PALLD: variants seen among roughly 807,000 people sequenced by gnomAD.
The protein encoded by PALLD is palladin, cytoskeletal associated protein, also known as palladin.
In PALLD, 61 loss-of-function variants were observed where a neutral mutation model predicts 123.5. The ratio of observed to expected loss-of-function variants is 0.49; its 90% CI spans 0.40 to 0.61. The LOEUF is 0.61. PALLD is among the 20% of genes least tolerant of loss of function. PALLD has a pLI of 0.00. For synonymous variants in PALLD, 465 were observed against 496.4 expected (o/e 0.94, Z 0.84); for missense variants, 1,273 against 1,377.0 (o/e 0.92, Z 1.20).
chr4:168,505,997 T>C (rs1379097029), intron 1 of PALLD: 2 of 152,188 alleles, frequency 1.3e-5, no homozygotes, highest in Non-Finnish European at 2.9e-5. Flanking sequence ...TACCCATGAA[T>C]TCCAACCCAG....
chr4:168,711,591 A>G lies in PALLD; in HGVS notation c.1632A>G (p.Glu544=). ...TTTCCCCTTCCTTAGCCAACACTGAAAACTGTAGTTACGAGTCAATGGGAG... is the reference window on the plus strand; with the variant it reads ...TTTCCCCTTCCTTAGCCAACACTGAGAACTGTAGTTACGAGTCAATGGGAG... ...AQLVVTSANT[E]NCSYESMGES... The change falls in exon 10 of 22, where the codon GAA becomes GAG. Residue 544 remains glutamate, a synonymous_variant. Coordinates refer to ENST00000505667, the MANE Select transcript of PALLD (RefSeq NM_001166108.2). 1.9e-6 allele frequency: 3 copies of G among 1,613,406 alleles called. No homozygotes were observed. Among genetic ancestry groups the G allele is most frequent in the Non-Finnish European group, 2.5e-6 (3 of 1,179,328 alleles).
At chr4:168,675,147 A>G (rs1429682810) in intron 3 of PALLD, among the ~76,000 whole-genome samples, 2 of 152,240 alleles carry the variant, frequency 1.3e-5, no homozygotes, top group Non-Finnish European at 2.9e-5. Flanking sequence ...TGTCAAATGA[A>G]TAGCTTTATG....
chr4:168,639,772 C>T (rs1053713771), intron 2 of PALLD, among the ~76,000 whole-genome samples: 5 of 152,126 alleles, frequency 3.3e-5, no homozygotes, highest in African/African-American at 1.2e-4. Flanking sequence ...TCTCGATCTT[C>T]TGACCTCGTG....
At chr4:168,741,435 G>A (rs964197500) in intron 10 of PALLD, among the ~76,000 whole-genome samples, 5 of 152,060 alleles carry the variant, frequency 3.3e-5, no homozygotes, top group African/African-American at 1.2e-4. Context: ...CAGCACTTTT[G>A]GGAGGCAGAG....
intron 2 of PALLD, among the ~76,000 whole-genome samples, chr4:168,618,430 G>A (rs2149790139): frequency 6.6e-6 from 1 of 152,302 alleles, no homozygotes; most frequent in East Asian, 1.9e-4. Flanking sequence ...GGGTAGAGAA[G>A]CTTTGGGCAC....
At chr4:168,719,637 C>T (rs981387434) in intron 10 of PALLD, among the ~76,000 whole-genome samples, 1 of 152,060 alleles carries the variant, frequency 6.6e-6, no homozygotes, top group Non-Finnish European at 1.5e-5. Context: ...TATATATTTG[C>T]CTGTCACAGG....
chr4:168,905,329 T>C lies in PALLD; in HGVS notation c.2622+1423T>C, dbSNP rs193118120. On this transcript the variant is annotated intron_variant, in intron 15 of 21. Transcript: ENST00000505667. ...TGCCCGGCTAATTTTTTTTTATTTT[T>C]AGTAGAGATGGGGTTTCACCATGTT... is the stretch of plus-strand genomic sequence containing the variant. 4.5e-3 allele frequency among the ~76,000 whole-genome samples: 686 copies of C among 151,276 alleles called. 8 individuals carry two copies. The highest frequency in any genetic ancestry group is 5.5e-3 in the Admixed American group (83 of 15,204).
At chr4:168,749,540 C>A (rs534484500) in intron 10 of PALLD, among the ~76,000 whole-genome samples, 2 of 152,208 alleles carry the variant, frequency 1.3e-5, no homozygotes, top group African/African-American at 4.8e-5. Flanking sequence ...AACCCCATCT[C>A]TACTAAAACT....
intron 2 of PALLD, among the ~76,000 whole-genome samples, chr4:168,588,698 G>A (rs6837553): frequency 0.027 from 4,011 of 151,152 alleles, 87 homozygotes; most frequent in South Asian, 0.11. Flanking sequence ...GTGACCTACC[G>A]TGCCTGGCTG....
chr4:168,839,626 G>A (rs1485029948), intron 10 of PALLD, among the ~76,000 whole-genome samples: 2 of 152,014 alleles, frequency 1.3e-5, no homozygotes, highest in African/African-American at 2.4e-5. Flanking sequence ...GTGCATCAGA[G>A]GTTACTCCCA....
chr4:168,709,166 A>C lies in PALLD; in HGVS notation c.1621+19A>C. The C allele has an allele frequency of 6.2e-7, 1 of 1,613,208 alleles. No homozygotes were observed. Among genetic ancestry groups the C allele is most frequent in the Non-Finnish European group, 8.5e-7 (1 of 1,179,846 alleles). On this transcript the variant is annotated intron_variant, in intron 9 of 21. Transcript: ENST00000505667. The stretch of plus-strand genomic sequence containing the variant: ...ACCTCAGGTATGTGAGGAGTAAAAA[A>C]AATGACTGGGTTCTGTTCCCCAGCA...
intron 2 of PALLD, among the ~76,000 whole-genome samples, chr4:168,634,594 G>C (rs930831391): frequency 1.3e-5 from 2 of 152,186 alleles, no homozygotes; most frequent in East Asian, 3.9e-4. Flanking sequence ...GCCTGAGCGA[G>C]GGGAGTGGAG....
intron 10 of PALLD, among the ~76,000 whole-genome samples, chr4:168,820,296 A>G (rs529013479): frequency 6.6e-6 from 1 of 152,348 alleles, no homozygotes; most frequent in Non-Finnish European, 1.5e-5. Flanking sequence ...CAGTGCTATT[A>G]TTCTCATTTT....
At chr4:168,776,807 A>T (rs1735226180) in intron 10 of PALLD, among the ~76,000 whole-genome samples, 1 of 152,222 alleles carries the variant, frequency 6.6e-6, no homozygotes, top group South Asian at 2.1e-4. Context: ...CCACCTCTAC[A>T]GTCTTGAGAT....
At chr4:168,600,038 C>A (rs1215089033) in intron 2 of PALLD, among the ~76,000 whole-genome samples, 1 of 142,396 alleles carries the variant, frequency 7.0e-6, no homozygotes, top group East Asian at 2.0e-4. Flanking sequence ...CACATACATA[C>A]ATGTGTATAC....
At chr4:168,727,939 A>G (rs746698568) in intron 10 of PALLD, among the ~76,000 whole-genome samples, 24 of 152,154 alleles carry the variant, frequency 1.6e-4, no homozygotes, top group Non-Finnish European at 3.1e-4. Context: ...CTAGCCAGCT[A>G]TCCCAGCACC....
In PALLD at chr4:168,553,273, C is replaced by T. The variant is rs374895081; in HGVS notation, c.908+40861C>T. Among the ~76,000 whole-genome samples, 119 of 152,106 alleles carry T rather than the reference C, an allele frequency of 7.8e-4. 2 individuals are homozygous for T. The highest frequency in any genetic ancestry group is 2.6e-3 in the African/African-American group (107 of 41,486). On this transcript the variant is annotated intron_variant, in intron 2 of 21. Coordinates refer to ENST00000505667, the MANE Select transcript of PALLD (RefSeq NM_001166108.2). The stretch of plus-strand genomic sequence containing the variant: ...GGACTCAAAACGACTGTGAGGAGGG[C>T]AAGTCTGGGGAAAAAAAGCCTTATA...
intron 10 of PALLD, among the ~76,000 whole-genome samples, chr4:168,725,228 G>A (rs776566621): frequency 1.3e-5 from 2 of 152,056 alleles, no homozygotes; most frequent in African/African-American, 2.4e-5. Context: ...TCTTCTTTTC[G>A]CTCAGAGAAG....
At chr4:168,712,820 A>G (rs1461431802) in intron 10 of PALLD, among the ~76,000 whole-genome samples, 2 of 152,178 alleles carry the variant, frequency 1.3e-5, no homozygotes, top group African/African-American at 4.8e-5. Context: ...GATTTGGGGC[A>G]GGAAGGGCTT....
Sources: gnomAD v4.1 joint callset for allele counts (sites outside exome capture counted in the v4.1 genomes callset) on GRCh38, gnomAD v4.1.1 for gene constraint, MANE v1.5 for transcripts, NCBI Gene and HGNC (gene_info 2026-07-23, HGNC 2026-07-21) for gene names.